Variants in ZFPM2 observed in about 807,000 individuals in gnomAD.
ZFPM2 encodes zinc finger protein ZFPM2.
ZFPM2 carries 20 observed loss-of-function variants against 98.6 expected under a neutral mutation model. The observed-to-expected ratio is 0.20, with a 90% CI of 0.14 to 0.29. The LOEUF (loss-of-function observed/expected upper bound fraction) is 0.29. Ranked by LOEUF, ZFPM2 falls within the 10% of genes least tolerant of loss-of-function variation. ZFPM2 has a pLI of 1.00. For synonymous variants in ZFPM2, 518 were observed against 502.7 expected (o/e 1.03, Z -0.41); for missense variants, 1,310 against 1,388.6 (o/e 0.94, Z 0.90).
At chr8:105,662,250 C>T (rs905329915) in intron 5 of ZFPM2, 3 of 152,034 alleles carry the variant, frequency 2.0e-5, no homozygotes, top group Non-Finnish European at 4.4e-5. Flanking sequence ...TTAGCACGGA[C>T]ATACTGACAG....
chr8:105,761,810 G>C (rs1350532660), intron 5 of ZFPM2, among the ~76,000 whole-genome samples: 1 of 151,782 alleles, frequency 6.6e-6, no homozygotes, highest in Non-Finnish European at 1.5e-5. Flanking sequence ...AAAGTTATGC[G>C]AGTTTGATAA....
intron 1 of ZFPM2, among the ~76,000 whole-genome samples, chr8:105,356,040 C>A (rs1024850999): frequency 6.6e-6 from 1 of 152,128 alleles, no homozygotes; most frequent in East Asian, 1.9e-4. Flanking sequence ...TCTTTTTGAA[C>A]TATAAAAGCT....
At chr8:105,581,800 A>G (rs73700103) in intron 4 of ZFPM2, among the ~76,000 whole-genome samples, 3,152 of 152,132 alleles carry the variant, frequency 0.021, 99 homozygotes, top group African/African-American at 0.07. Context: ...ATCTCACTCA[A>G]ATTTATTTAG....
chr8:105,428,304 A>G (rs1811954170), intron 2 of ZFPM2, among the ~76,000 whole-genome samples: 1 of 152,208 alleles, frequency 6.6e-6, no homozygotes, highest in African/African-American at 2.4e-5. Flanking sequence ...AAAAAGGCTA[A>G]CATAAATGAA....
intron 3 of ZFPM2, among the ~76,000 whole-genome samples, chr8:105,449,952 T>C (rs897014566): frequency 5.9e-5 from 9 of 152,118 alleles, no homozygotes; most frequent in African/African-American, 2.2e-4. Context: ...CAAATGATTT[T>C]GCAATGTAAA....
intron 5 of ZFPM2, among the ~76,000 whole-genome samples, chr8:105,722,984 C>G (rs900373358): frequency 1.3e-5 from 2 of 151,852 alleles, no homozygotes; most frequent in Non-Finnish European, 2.9e-5. Context: ...AATCCTTCTG[C>G]CAGATTATCT....
chr8:105,785,528 G>A (rs1413807791), intron 5 of ZFPM2, among the ~76,000 whole-genome samples: 2 of 152,094 alleles, frequency 1.3e-5, no homozygotes, highest in Admixed American at 6.5e-5. Flanking sequence ...CTAAAGTTAG[G>A]GAAATATTAC....
chr8:105,407,554 A>G (rs985612191), intron 1 of ZFPM2, among the ~76,000 whole-genome samples: 1 of 152,000 alleles, frequency 6.6e-6, no homozygotes, highest in Non-Finnish European at 1.5e-5. Context: ...AAGGTGCGAA[A>G]TCCCCCATAC....
intron 5 of ZFPM2, among the ~76,000 whole-genome samples, chr8:105,667,922 T>C (rs1817520115): frequency 1.3e-5 from 2 of 152,230 alleles, no homozygotes; most frequent in South Asian, 4.1e-4. Context: ...AGAATGATAT[T>C]GCTAGATAAA....
At chr8:105,583,965 G>A (rs1036021067) in intron 4 of ZFPM2, among the ~76,000 whole-genome samples, 1 of 152,116 alleles carries the variant, frequency 6.6e-6, no homozygotes, top group Non-Finnish European at 1.5e-5. Context: ...GAATGTTCGT[G>A]ATAAGATGGC....
intron 3 of ZFPM2, among the ~76,000 whole-genome samples, chr8:105,491,082 C>T (rs1586411517): frequency 1.3e-5 from 2 of 152,036 alleles, no homozygotes; most frequent in Admixed American, 1.3e-4. Flanking sequence ...CACAGTAACA[C>T]TCTTTTATAT....
intron 4 of ZFPM2, among the ~76,000 whole-genome samples, chr8:105,593,812 A>G (rs1200274647): frequency 6.6e-6 from 1 of 150,486 alleles, no homozygotes; most frequent in Admixed American, 6.6e-5. Flanking sequence ...AAAAATTGTG[A>G]TTTTTCAAGT....
chr8:105,498,041 A>C (rs1034128697), intron 3 of ZFPM2, among the ~76,000 whole-genome samples: 7 of 151,158 alleles, frequency 4.6e-5, no homozygotes, highest in African/African-American at 1.5e-4. Flanking sequence ...AAAAAAAAAA[A>C]AAAAACAAAA....
At chr8:105,511,431 G>A (rs769547802) in intron 3 of ZFPM2, among the ~76,000 whole-genome samples, 2 of 152,174 alleles carry the variant, frequency 1.3e-5, no homozygotes, top group South Asian at 2.1e-4. Flanking sequence ...TGGGAAGTGG[G>A]TGTGCATTTC....
At position 105,742,507 on chromosome 8, in the gene ZFPM2, A is replaced by G. The variant is rs528324483; in HGVS notation, c.533-46211A>G. 3.3e-5 allele frequency among the ~76,000 whole-genome samples: 5 copies of G among 152,018 alleles called. No individual in the cohort carries two copies. In the South Asian group the frequency reaches 1.0e-3, roughly 32 times the overall value. ...TAGATAAGAGAGGGTCGTGATTCCG[A>G]GCAATAAAAAGGCCTAGAGAGTGAG... On this transcript the variant is annotated intron_variant, in intron 5 of 7. Coordinates refer to ENST00000407775, the MANE Select transcript of ZFPM2 (RefSeq NM_012082.4).
chr8:105,366,183 G>A (rs1810504329), intron 1 of ZFPM2, among the ~76,000 whole-genome samples: 2 of 152,146 alleles, frequency 1.3e-5, no homozygotes, highest in South Asian at 4.1e-4. Context: ...GAGGTCAGTT[G>A]CTTCTTCATT....
At position 105,801,886 on chromosome 8, in the gene ZFPM2, A is replaced by G; in HGVS notation, c.1804A>G (p.Thr602Ala). Reference sequence around the variant, plus strand: ...AGCTTTGAGTCCCAACACTGGCCAAACCTCCATAAACCTTCTCAACCCAGC... The same window carrying G: ...AGCTTTGAGTCCCAACACTGGCCAAGCCTCCATAAACCTTCTCAACCCAGC... ...PEALSPNTGQ[T>A]SINLLNPAAH... Residue 602 changes from threonine to alanine, a missense_variant, in exon 8 of 8, where the codon ACC becomes GCC. Transcript: ENST00000407775. 6.2e-7 allele frequency: 1 copy of G among 1,613,842 alleles called. No individual in the cohort carries two copies. The highest frequency in any genetic ancestry group is 8.5e-7 in the Non-Finnish European group (1 of 1,179,840).
intron 5 of ZFPM2, among the ~76,000 whole-genome samples, chr8:105,723,601 A>T (rs546118489): frequency 5.9e-5 from 9 of 151,816 alleles, no homozygotes; most frequent in African/African-American, 1.7e-4. Flanking sequence ...CGTGAAACCA[A>T]TCCAGAAAAA....
intron 4 of ZFPM2, among the ~76,000 whole-genome samples, chr8:105,568,273 G>C (rs1174749501): frequency 6.6e-6 from 1 of 151,950 alleles, no homozygotes; most frequent in Non-Finnish European, 1.5e-5. Context: ...GTTTATTCCT[G>C]TCTCCACAGA....
Sources: allele counts gnomAD v4.1 joint callset (sites outside exome capture counted in the v4.1 genomes callset), GRCh38; gene constraint gnomAD v4.1.1; transcripts MANE v1.5; gene names NCBI Gene and HGNC (gene_info 2026-07-23, HGNC 2026-07-21).